Variants in IQCM observed in about 807,000 individuals in gnomAD.
The protein encoded by IQCM is IQ domain-containing protein M.
IQCM carries 45 observed loss-of-function variants against 57.6 expected under a neutral mutation model. That is an observed-to-expected ratio of 0.78 (90% CI 0.62 to 1.00). The LOEUF is 1.00. IQCM is among the 50% of genes least tolerant of loss of function. The pLI is 0.00. For missense variants in IQCM, 468 were observed against 511.6 expected (o/e 0.91, Z 0.82); for synonymous variants, 148 against 158.9 (o/e 0.93, Z 0.51).
intron 7 of IQCM, among the ~76,000 whole-genome samples, chr4:149,678,031 T>C (rs900344554): frequency 6.6e-5 from 10 of 151,524 alleles, no homozygotes; most frequent in Admixed American, 6.6e-4. Context: ...CTAAAAGATA[T>C]AGAAAATTAC....
intron 2 of IQCM, among the ~76,000 whole-genome samples, chr4:149,775,926 G>C (rs556092645): frequency 6.6e-6 from 1 of 152,234 alleles, no homozygotes; most frequent in South Asian, 2.1e-4. Flanking sequence ...AATCTACCCA[G>C]GATGACATGT....
intron 5 of IQCM, among the ~76,000 whole-genome samples, chr4:149,714,137 G>C (rs1764794076): frequency 1.3e-5 from 2 of 152,128 alleles, no homozygotes; most frequent in Non-Finnish European, 2.9e-5. Flanking sequence ...TTAAGTCTTT[G>C]TCTTCCTTGA....
intron 2 of IQCM, among the ~76,000 whole-genome samples, chr4:149,770,017 G>GA (rs968814647): frequency 1.7e-4 from 26 of 149,250 alleles, no homozygotes; most frequent in Admixed American, 7.3e-4. Flanking sequence ...CAACAAAAAA[G>GA]AAAAAAAATA....
chr4:149,491,178 CA>C (rs537228217), intron 12 of IQCM, among the ~76,000 whole-genome samples: 4 of 151,620 alleles, frequency 2.6e-5, no homozygotes, highest in Non-Finnish European at 5.9e-5. Context: ...TTTTAATTGA[CA>C]AAAAAATTGT....
chr4:149,498,576 C>A (rs941787882), intron 12 of IQCM, among the ~76,000 whole-genome samples: 2 of 152,074 alleles, frequency 1.3e-5, no homozygotes, highest in Non-Finnish European at 2.9e-5. Flanking sequence ...CTAAGAGGGG[C>A]TATGTAGGAA....
chr4:149,702,073 T>C (rs1763812588), intron 5 of IQCM, among the ~76,000 whole-genome samples: 1 of 151,980 alleles, frequency 6.6e-6, no homozygotes, highest in African/African-American at 2.4e-5. Flanking sequence ...TGTATCTCAA[T>C]GCATGTTTCA....
intron 9 of IQCM, among the ~76,000 whole-genome samples, chr4:149,580,869 G>C (rs537015012): frequency 6.6e-6 from 1 of 151,544 alleles, no homozygotes; most frequent in Admixed American, 6.6e-5. Flanking sequence ...TTAAAAGGGT[G>C]ATTCAATAAT....
chr4:149,766,804 T>G (rs999077119), intron 2 of IQCM, among the ~76,000 whole-genome samples: 1 of 152,070 alleles, frequency 6.6e-6, no homozygotes, highest in African/African-American at 2.4e-5. Flanking sequence ...AATAGAAAAT[T>G]TGGTGGATTC....
At chr4:149,595,487 T>G (rs2150020271) in intron 8 of IQCM, among the ~76,000 whole-genome samples, 1 of 152,248 alleles carries the variant, frequency 6.6e-6, no homozygotes, top group South Asian at 2.1e-4. Flanking sequence ...AATTACAAAT[T>G]ATATATTAAA....
intron 3 of IQCM, among the ~76,000 whole-genome samples, chr4:149,741,398 G>A (rs957415004): frequency 3.3e-5 from 5 of 152,164 alleles, no homozygotes; most frequent in Admixed American, 2.6e-4. Flanking sequence ...GGTTACTAAG[G>A]AGATGTAGGG....
intron 2 of IQCM, among the ~76,000 whole-genome samples, chr4:149,789,050 AGC>A (rs1391554438): frequency 2.6e-5 from 4 of 152,314 alleles, no homozygotes; most frequent in African/African-American, 9.6e-5. Context: ...ACAAACATGC[AGC>A]TAGATAGAAA....
intron 5 of IQCM, among the ~76,000 whole-genome samples, chr4:149,727,707 C>T (rs1330268283): frequency 6.6e-6 from 1 of 152,070 alleles, no homozygotes; most frequent in Non-Finnish European, 1.5e-5. Context: ...TATGTGTCAG[C>T]TGAAGCTGGT....
intron 12 of IQCM, among the ~76,000 whole-genome samples, chr4:149,482,220 G>A (rs904013004): frequency 6.6e-6 from 1 of 151,902 alleles, no homozygotes; most frequent in African/African-American, 2.4e-5. Flanking sequence ...CACATCATCT[G>A]CAAATAAAGA....
intron 5 of IQCM, among the ~76,000 whole-genome samples, chr4:149,692,430 A>AT (rs1453204134): frequency 6.6e-6 from 1 of 152,140 alleles, no homozygotes; most frequent in Non-Finnish European, 1.5e-5. Flanking sequence ...ATATGTATGT[A>AT]TTTTTTAAAT....
At chr4:149,803,418 T>C (rs746403900) in intron 2 of IQCM, among the ~76,000 whole-genome samples, 9 of 152,162 alleles carry the variant, frequency 5.9e-5, no homozygotes, top group African/African-American at 9.6e-5. Flanking sequence ...GAAGTTTCTA[T>C]TGACATTTAT....
intron 2 of IQCM, among the ~76,000 whole-genome samples, chr4:149,811,601 A>G (rs1203177376): frequency 6.6e-6 from 1 of 152,018 alleles, no homozygotes; most frequent in African/African-American, 2.4e-5. Flanking sequence ...TTCCTCTCTT[A>G]GCTCCTGTCT....
intron 5 of IQCM, among the ~76,000 whole-genome samples, chr4:149,694,525 C>T (rs370547988): frequency 6.6e-6 from 1 of 151,748 alleles, no homozygotes; most frequent in African/African-American, 2.4e-5. Context: ...ATAAAGAATC[C>T]CTATTTCTCC....
intron 13 of IQCM, among the ~76,000 whole-genome samples, chr4:149,396,761 C>T (rs560900947): frequency 2.2e-4 from 34 of 152,128 alleles, no homozygotes; most frequent in Middle Eastern, 3.4e-3. Context: ...CTCTTTGATT[C>T]TCTTGAATCT....
At chr4:149,387,088 T>C (rs1560793757) in intron 13 of IQCM, among the ~76,000 whole-genome samples, 2 of 152,152 alleles carry the variant, frequency 1.3e-5, no homozygotes, top group Admixed American at 1.3e-4. Flanking sequence ...GTGTAACTTA[T>C]AAACAACAGA....
Sources: gnomAD v4.1 joint callset for allele counts (sites outside exome capture counted in the v4.1 genomes callset) on GRCh38, gnomAD v4.1.1 for gene constraint, MANE v1.5 for transcripts, NCBI Gene and HGNC (gene_info 2026-07-23, HGNC 2026-07-21) for gene names.